The following PRC1 variants were observed in gnomAD, a reference collection of about 807,000 sequenced individuals.
The protein encoded by PRC1 is protein regulator of cytokinesis 1.
Under a neutral mutation model 91.2 loss-of-function variants are expected in PRC1, and 54 were observed. The observed-to-expected ratio is 0.59, with a 90% CI of 0.48 to 0.74. The LOEUF (loss-of-function observed/expected upper bound fraction) is 0.74, where lower values mean the gene tolerates loss of function less well. Ranked by LOEUF, PRC1 falls within the 30% of genes least tolerant of loss-of-function variation. The pLI, the probability that PRC1 is intolerant of heterozygous loss-of-function variation, is 0.00. For missense variants in PRC1, 727 were observed against 746.2 expected (o/e 0.97, Z 0.30); for synonymous variants, 275 against 263.6 (o/e 1.04, Z -0.42).
chr15:90,981,799 T>C lies in PRC1; in HGVS notation c.450A>G (p.Leu150=). 6.2e-7 allele frequency: 1 copy of C among 1,614,196 alleles called. No homozygotes were observed. The highest frequency in any genetic ancestry group is 8.5e-7 in the Non-Finnish European group (1 of 1,180,008). Residue 150 remains leucine, a synonymous_variant, in exon 4 of 15, where the codon TTA becomes TTG. Coordinates refer to ENST00000394249, the MANE Select transcript of PRC1 (RefSeq NM_003981.4). ...YDIDSASVPS[L]EELNQFRQHV... Reference sequence around the variant, plus strand: ...GTTGCCTGAACTGGTTCAGCTCTTCTAAGCTGGGCACTGAGGCACTGTCAA... The same window carrying C: ...GTTGCCTGAACTGGTTCAGCTCTTCCAAGCTGGGCACTGAGGCACTGTCAA...
chr15:90,968,405 C>T (rs569883461), intron 14 of PRC1: 2 of 985,582 alleles, frequency 2.0e-6, no homozygotes, highest in East Asian at 2.3e-4. Flanking sequence ...AGGGGTTTAA[C>T]TCAATATCCC....
chr15:90,966,984 A>G lies in PRC1; in HGVS notation c.*147T>C. 1.4e-6 allele frequency: 1 copy of G among 691,934 alleles called. No individual in the cohort carries two copies. Among genetic ancestry groups the G allele is most frequent in the East Asian group, 2.6e-5 (1 of 39,076 alleles). 42.9% of individuals were successfully genotyped at this position (691,934 alleles called of 1,614,324 possible). A position where few individuals can be genotyped will look rare whatever the true frequency, so the allele number is the denominator to read the frequency against. On this transcript the variant is annotated 3_prime_UTR_variant, in exon 15 of 15. Transcript: ENST00000394249. Reference sequence around the variant, plus strand: ...TGATGGGCTTTCAACTGTAACACTCATTCACATCTTTAAGTTAGGCCCATG... The same window carrying G: ...TGATGGGCTTTCAACTGTAACACTCGTTCACATCTTTAAGTTAGGCCCATG...
chr15:90,987,536 CTT>C (rs1330914294), intron 1 of PRC1: 3 of 152,272 alleles, frequency 2.0e-5, no homozygotes, highest in Non-Finnish European at 4.4e-5. Context: ...GCTTCTGTAT[CTT>C]ATCTTTTAAG....
intron 1 of PRC1, among the ~76,000 whole-genome samples, chr15:90,991,910 GGAAAAGCC>G (rs1186108191): frequency 6.6e-6 from 1 of 152,070 alleles, no homozygotes; most frequent in East Asian, 1.9e-4. Context: ...CTCACTCTAA[GGAAAAGCC>G]TCTGACTTTC....
intron 1 of PRC1, among the ~76,000 whole-genome samples, chr15:90,991,454 T>C (rs1285289501): frequency 6.6e-6 from 1 of 151,684 alleles, no homozygotes; most frequent in Non-Finnish European, 1.5e-5. Flanking sequence ...ATTTTACTAA[T>C]ATATAACGTA....
In PRC1 at chr15:90,969,632, A is replaced by G. The variant is rs779692277; in HGVS notation, c.1573-9T>C. 1 of 1,584,526 alleles carries G rather than the reference A, an allele frequency of 6.3e-7. No homozygotes were observed. Among genetic ancestry groups the G allele is most frequent in the Non-Finnish European group, 8.6e-7 (1 of 1,163,202 alleles). On this transcript the variant is annotated splice_polypyrimidine_tract_variant and intron_variant, in intron 12 of 14. Coordinates refer to ENST00000394249, the MANE Select transcript of PRC1 (RefSeq NM_003981.4). ...GTGGAAGCAGCGACTGGCTGCAGAGAAAGGAAAGAGATCCATGTATCATCC... is the reference window on the plus strand; with the variant it reads ...GTGGAAGCAGCGACTGGCTGCAGAGGAAGGAAAGAGATCCATGTATCATCC...
chr15:90,970,602 GGGA>G (rs71757612), intron 11 of PRC1, 88 bp from the exon 12 acceptor site: 374,503 of 898,568 alleles, frequency 0.42, 101,002 homozygotes, highest in East Asian at 1. Flanking sequence ...AAATGACTAT[GGGA>G]GGAGGCAGTC....
Position 90,969,583 on chromosome 15 carries a change from C to G in PRC1, c.1613G>C (p.Arg538Pro). 1 of 1,612,664 alleles carries G rather than the reference C, an allele frequency of 6.2e-7. No homozygotes were observed. Among genetic ancestry groups the G allele is most frequent in the Non-Finnish European group, 8.5e-7 (1 of 1,179,230 alleles). The change falls in exon 13 of 15, where the codon CGT becomes CCT. Residue 538 changes from arginine to proline, a missense_variant. By Grantham distance (103) the Arg-to-Pro change is moderately radical. Transcript: ENST00000394249. ...ASTCSGKKTPRTGRHGANKEN... is the reference protein window; with the variant it reads ...ASTCSGKKTPPTGRHGANKEN... ...CTTGTTGGCTCCATGCCTGCCAGTA[C>G]GGGGTGTTTTCTTCCCTGAACAGGT...
intron 9 of PRC1, among the ~76,000 whole-genome samples, chr15:90,976,383 C>T (rs1008808025): frequency 1.4e-5 from 2 of 141,734 alleles, no homozygotes; most frequent in Non-Finnish European, 3.2e-5. Context: ...ACCTCATGAT[C>T]AAGACCAGGC....
At chr15:90,988,084 A>C (rs971191880) in intron 1 of PRC1, 1 of 152,214 alleles carries the variant, frequency 6.6e-6, no homozygotes, top group Non-Finnish European at 1.5e-5. Context: ...AAAAAAAGAG[A>C]AATGTTAACA....
At chr15:90,981,154 A>C in intron 5 of PRC1, 121 bp from the exon 6 acceptor site, 1 of 1,347,108 alleles carries the variant, frequency 7.4e-7, no homozygotes, top group Non-Finnish European at 1.0e-6. Flanking sequence ...AGTTCAAAGT[A>C]GCATGTTTTC....
chr15:90,980,254 G>T lies in PRC1; in HGVS notation c.958C>A (p.Pro320Thr). The T allele has an allele frequency of 6.2e-7, 1 of 1,611,992 alleles. No homozygotes were observed. Among genetic ancestry groups the T allele is most frequent in the South Asian group, 1.1e-5 (1 of 90,626 alleles). The change falls in exon 7 of 15, where the codon CCT becomes ACT. Residue 320 changes from proline to threonine, a missense_variant. Pro to Thr is a conservative substitution (Grantham distance 38). Transcript: ENST00000394249. ...YSQEQRQAFA[P>T]FCAEDYTESL... ...CTCTTGTACTAACCAGCACAGAAAGGGGCAAAAGCTTGTCTCTGCTCCTGG... is the reference window on the plus strand; with the variant it reads ...CTCTTGTACTAACCAGCACAGAAAGTGGCAAAAGCTTGTCTCTGCTCCTGG...
At position 90,984,888 on chromosome 15, in the gene PRC1, A is replaced by G. The variant is rs2039469280; in HGVS notation, c.12-63T>C. On this transcript the variant is annotated intron_variant, in intron 1 of 14. Coordinates refer to ENST00000394249, the MANE Select transcript of PRC1 (RefSeq NM_003981.4). This position sits in a 1 kb window ranked among gnomAD's most constrained non-coding sequence, Gnocchi z 5.1. Reference sequence around the variant, plus strand: ...TCACAGCCTCTGGACTAAAAGCACTATTTTCGAGAACTAAAAAGACTAGCT... The same window carrying G: ...TCACAGCCTCTGGACTAAAAGCACTGTTTTCGAGAACTAAAAAGACTAGCT... 1 of 1,577,372 alleles carries G rather than the reference A, an allele frequency of 6.3e-7. No individual in the cohort carries two copies. The highest frequency in any genetic ancestry group is 8.6e-7 in the Non-Finnish European group (1 of 1,164,698).
chr15:90,984,607 C>T lies in PRC1; in HGVS notation c.144+86G>A, dbSNP rs2039447925. ...CCTGTGCTATCCTAATGCCGATGAT[C>T]ACATGTCCCTTCTGTATGCTATCTC... On this transcript the variant is annotated intron_variant, in intron 2 of 14. Coordinates refer to ENST00000394249, the MANE Select transcript of PRC1 (RefSeq NM_003981.4). The surrounding 1 kb of genome is among the most constrained non-coding windows in gnomAD (Gnocchi z 5.1). 6.5e-6 allele frequency: 10 copies of T among 1,546,184 alleles called. No individual in the cohort carries two copies. The highest frequency in any genetic ancestry group is 8.8e-6 in the Non-Finnish European group (10 of 1,136,320).
In PRC1 at chr15:90,981,354, G is replaced by A. The variant is rs953283050; in HGVS notation, c.672+145C>T. On this transcript the variant is annotated intron_variant, in intron 5 of 14. Transcript: ENST00000394249. ...TAACTGTTAAACAAAAATCAAGGTT[G>A]TATATCATATATTACTATCCTTAGC... The A allele has an allele frequency of 1.3e-4, 123 of 933,136 alleles. No individual in the cohort carries two copies. The Admixed American group carries it at 2.5e-3, about 19-fold the overall frequency. 57.8% of individuals were successfully genotyped at this position (933,136 alleles called of 1,614,324 possible). A position where few individuals can be genotyped will look rare whatever the true frequency, so the allele number is the denominator to read the frequency against.
chr15:90,984,839 A>G lies in PRC1; in HGVS notation c.12-14T>C, dbSNP rs368972813. 30 of 1,613,904 alleles carry G rather than the reference A, an allele frequency of 1.9e-5. No homozygotes were observed. In the African/African-American group the frequency reaches 3.5e-4, roughly 19 times the overall value. On this transcript the variant is annotated splice_polypyrimidine_tract_variant and intron_variant, in intron 1 of 14. Transcript: ENST00000394249. This position sits in a 1 kb window ranked among gnomAD's most constrained non-coding sequence, Gnocchi z 5.1. ...GCCAGCACCTCACTGAAAACCAAAA[A>G]CTAAGGCCTGTTAGTTACATCAGTC...
chr15:90,983,783 G>A (rs1024377179), intron 3 of PRC1: 1 of 384,732 alleles, frequency 2.6e-6, no homozygotes, highest in Non-Finnish European at 4.5e-6. Flanking sequence ...ACTATGGTAA[G>A]CAGCAGCTTC....
intron 14 of PRC1, chr15:90,968,430 A>G: frequency 1.0e-6 from 1 of 985,416 alleles, no homozygotes; most frequent in Non-Finnish European, 1.2e-6. Context: ...AGGGTGAGGA[A>G]CATCCTCTCC....
chr15:90,969,217 G>GT, intron 13 of PRC1, 97 bp from the exon 14 acceptor site: 1 of 1,347,280 alleles, frequency 7.4e-7, no homozygotes, highest in South Asian at 1.2e-5. Flanking sequence ...GGAATGGTAT[G>GT]TATTAAGCAG....
Sources: allele counts gnomAD v4.1 joint callset (sites outside exome capture counted in the v4.1 genomes callset), GRCh38; gene constraint gnomAD v4.1.1; non-coding constraint Gnocchi (gnomAD v3.1); transcripts MANE v1.5; gene names NCBI Gene and HGNC (gene_info 2026-07-23, HGNC 2026-07-21).